Variants in RNF103 observed in about 807,000 individuals in gnomAD.
RNF103 encodes the protein E3 ubiquitin-protein ligase RNF103.
Under a neutral mutation model 66.2 loss-of-function variants are expected in RNF103, and 23 were observed. The ratio of observed to expected loss-of-function variants is 0.35; its 90% CI spans 0.25 to 0.49. The LOEUF is 0.49. Among genes scored for constraint, RNF103 ranks in the 20% least tolerant of loss-of-function variants. The pLI is 0.98. For missense variants in RNF103, 730 were observed against 814.7 expected (o/e 0.90, Z 1.27); for synonymous variants, 297 against 289.9 (o/e 1.02, Z -0.25).
At chr2:86,616,423 A>G (rs1679022282) in intron 2 of RNF103, 1 of 853,694 alleles carries the variant, frequency 1.2e-6, no homozygotes, top group Non-Finnish European at 1.4e-6. Context: ...GTGATTGACA[A>G]AAAACAGTGG....
At chr2:86,608,446 C>CACTGT (rs1678657682) in intron 3 of RNF103, among the ~76,000 whole-genome samples, 2 of 136,114 alleles carry the variant, frequency 1.5e-5, no homozygotes, top group East Asian at 4.3e-4. Flanking sequence ...GAGATCGTGC[C>CACTGT]ACTGTACTCC....
chr2:86,617,703 A>G (rs1558687916), intron 2 of RNF103: 1 of 994,924 alleles, frequency 1.0e-6, no homozygotes, highest in Admixed American at 5.9e-5. Flanking sequence ...AGATTAATAT[A>G]TATGATCTGA....
chr2:86,609,384 ATTT>A (rs112431636), intron 3 of RNF103, among the ~76,000 whole-genome samples: 4 of 134,414 alleles, frequency 3.0e-5, no homozygotes. Context: ...AGCCTCAGGT[ATTT>A]TTTTTTTTTT....
At chr2:86,617,097 TTCATAGTGTG>T (rs1679050831) in intron 2 of RNF103, 2 of 985,104 alleles carry the variant, frequency 2.0e-6, no homozygotes, top group African/African-American at 3.5e-5. Flanking sequence ...CTACATGTAT[TTCATAGTGTG>T]TCATTGGTAA....
In RNF103 at chr2:86,623,063, C is replaced by CGGGCGCGAGGCGGCGACGAG; in HGVS notation, c.-197_-178dup. 7.7e-7 allele frequency: 1 copy of CGGGCGCGAGGCGGCGACGAG among 1,290,380 alleles called. No homozygotes were observed. The highest frequency in any genetic ancestry group is 9.8e-7 in the Non-Finnish European group (1 of 1,024,126). 79.9% of individuals were successfully genotyped at this position (1,290,380 alleles called of 1,614,324 possible). On this transcript the variant is annotated 5_prime_UTR_variant, in exon 1 of 4. An upstream open reading frame in the 5' UTR loses its in-frame stop. Coordinates refer to ENST00000237455, the MANE Select transcript of RNF103 (RefSeq NM_005667.4). ...GGGGAAGCAGGTGACGGGATCCGCG[C>CGGGCGCGAGGCGGCGACGAG]GGGCGCGAGGCGGCGACGAGGGACG...
intron 2 of RNF103, chr2:86,618,592 A>C (rs1031767780): frequency 6.6e-6 from 1 of 152,280 alleles, no homozygotes; most frequent in Non-Finnish European, 1.5e-5. Flanking sequence ...CAGCCTATAT[A>C]GCAAAAGAAC....
intron 2 of RNF103, chr2:86,616,538 CAAGA>C: frequency 1.0e-6 from 1 of 985,304 alleles, no homozygotes; most frequent in Non-Finnish European, 1.2e-6. Context: ...ATAGCAGTAT[CAAGA>C]AAGAAATACG....
At chr2:86,621,300 A>G (rs1475454297) in intron 1 of RNF103, among the ~76,000 whole-genome samples, 1 of 152,188 alleles carries the variant, frequency 6.6e-6, no homozygotes, top group Non-Finnish European at 1.5e-5. Flanking sequence ...GCAATAATAA[A>G]TAACAGTCAA....
At chr2:86,622,345 C>G (rs1056680106) in intron 1 of RNF103, among the ~76,000 whole-genome samples, 1 of 152,206 alleles carries the variant, frequency 6.6e-6, no homozygotes, top group African/African-American at 2.4e-5. Context: ...ATAATGCTTT[C>G]CAGTTTGTAA....
At chr2:86,609,436 G>C (rs544864992) in intron 3 of RNF103, among the ~76,000 whole-genome samples, 1 of 148,042 alleles carries the variant, frequency 6.8e-6, no homozygotes, top group Admixed American at 6.7e-5. Flanking sequence ...CCCAGGCTTG[G>C]AGTGCAGTGG....
rs774359108 is a variant in RNF103, at chr2:86,605,055, T to C, written c.846A>G (p.Ile282Met). ...DNKSYMTDIG[I>M]YNMPSYILRT... ...TAAGTATGTATGATGGCATATTATA[T>C]ATGCCAATATCTGTCATATAACTCT... is the stretch of plus-strand genomic sequence containing the variant. Residue 282 changes from isoleucine (I) to methionine (M), a missense_variant, in exon 4 of 4, where the codon ATA (isoleucine) becomes ATG (methionine). This residue lies in a region of RNF103 where 327 missense variants were observed against 369.8 expected (regional missense o/e 0.88). Coordinates refer to ENST00000237455, the MANE Select transcript of RNF103 (RefSeq NM_005667.4). 5 of 1,614,082 alleles carry C rather than the reference T, an allele frequency of 3.1e-6. No individual in the cohort carries two copies. Among genetic ancestry groups the C allele is most frequent in the Non-Finnish European group, 4.2e-6 (5 of 1,180,006 alleles).
At position 86,623,464 on chromosome 2, in the gene RNF103, C is replaced by G. The variant is rs1233820264; in HGVS notation, c.-578G>C. Reference sequence around the variant, plus strand: ...CCAGCGTGTTCTGCGCGGGGAGGAGCGGCCGCCGCAACGCCGCGCCCGAAG... The same window carrying G: ...CCAGCGTGTTCTGCGCGGGGAGGAGGGGCCGCCGCAACGCCGCGCCCGAAG... On this transcript the variant is annotated 5_prime_UTR_variant, in exon 1 of 4. Coordinates refer to ENST00000237455, the MANE Select transcript of RNF103 (RefSeq NM_005667.4). 1 of 982,038 alleles carries G rather than the reference C, an allele frequency of 1.0e-6. No individual in the cohort carries two copies. 60.8% of individuals were successfully genotyped at this position (982,038 alleles called of 1,614,324 possible).
chr2:86,616,618 T>G (rs902961263), intron 2 of RNF103: 1 of 985,366 alleles, frequency 1.0e-6, no homozygotes, highest in African/African-American at 1.7e-5. Context: ...TAAAATCAGC[T>G]ATTAACTCTT....
chr2:86,608,486 CAAAAAAAAAAAAAA>C (rs1222638516), intron 3 of RNF103, among the ~76,000 whole-genome samples: 4 of 40,104 alleles, frequency 1.0e-4, no homozygotes, highest in Admixed American at 7.7e-4. Context: ...GACTCCATCT[CAAAAAAAAAAAAAA>C]AAAAAAAAAA....
chr2:86,621,832 A>G (rs1679240506), intron 1 of RNF103, among the ~76,000 whole-genome samples: 1 of 152,226 alleles, frequency 6.6e-6, no homozygotes, highest in Non-Finnish European at 1.5e-5. Flanking sequence ...CCAAAGATAT[A>G]CTTTGTGCAG....
chr2:86,603,547 T>A lies in RNF103; in HGVS notation c.*296A>T, dbSNP rs1678424450. 2.9e-6 allele frequency: 1 copy of A among 340,918 alleles called. No individual in the cohort carries two copies. The allele number at this position is 340,918 out of a possible 1,614,324, so 21.1% of individuals were successfully genotyped here. On this transcript the variant is annotated 3_prime_UTR_variant, in exon 4 of 4. Coordinates refer to ENST00000237455, the MANE Select transcript of RNF103 (RefSeq NM_005667.4). ...CCGGCTCAATTCCATTAGAATTTGA[T>A]CCTATCTTGTAAAGTCTTGCTAGGA...
rs1477437915 is a variant in RNF103, at chr2:86,604,401, A to C, written c.1500T>G (p.Leu500=). 5 of 1,614,134 alleles carry C rather than the reference A, an allele frequency of 3.1e-6. No individual in the cohort carries two copies. The highest frequency in any genetic ancestry group is 4.2e-6 in the Non-Finnish European group (5 of 1,180,058). ...LERLAFPDLW[L]HPLIPTDYIK... ...TATAATCAGTTGGTATCAGAGGGTG[A>C]AGCCAAAGGTCAGGGAAAGCTAAGC... Residue 500 remains leucine, a synonymous_variant, in exon 4 of 4, where the codon CTT becomes CTG. Coordinates refer to ENST00000237455, the MANE Select transcript of RNF103 (RefSeq NM_005667.4).
intron 3 of RNF103, among the ~76,000 whole-genome samples, chr2:86,606,637 TG>T (rs1472452006): frequency 8.2e-6 from 1 of 121,956 alleles, no homozygotes; most frequent in African/African-American, 3.4e-5. Context: ...CACTCCAGCC[TG>T]GGCGACAGAG....
intron 3 of RNF103, among the ~76,000 whole-genome samples, chr2:86,610,228 CA>C (rs2104222386): frequency 6.6e-6 from 1 of 152,128 alleles, no homozygotes; most frequent in Admixed American, 6.5e-5. Flanking sequence ...AACAAAAAAG[CA>C]AAAAGTTATC....
Sources: gnomAD v4.1 joint callset for allele counts (sites outside exome capture counted in the v4.1 genomes callset) on GRCh38, gnomAD v4.1.1 for gene constraint, gnomAD v4.1.1 regional missense constraint, MANE v1.5 for transcripts, NCBI Gene and HGNC (gene_info 2026-07-23, HGNC 2026-07-21) for gene names.